CAT: variants seen among roughly 807,000 people sequenced by gnomAD.
CAT encodes catalase, also known as epididymis secretory sperm binding protein.
CAT carries 43 observed loss-of-function variants against 59.0 expected under a neutral mutation model. The ratio of observed to expected loss-of-function variants is 0.73; its 90% CI spans 0.57 to 0.94. CAT has a LOEUF of 0.94. CAT is among the 40% of genes least tolerant of loss of function. The pLI is 0.00. For missense variants in CAT, 664 were observed against 682.9 expected, an observed-to-expected ratio of 0.97 and a Z score of 0.31; for synonymous variants, 218 against 230.9, an observed-to-expected ratio of 0.94 and a Z score of 0.51.
chr11:34,457,204 CTTTTTTTTTTTTTTT>C (rs899442681), intron 8 of CAT, among the ~76,000 whole-genome samples: 7 of 66,180 alleles, frequency 1.1e-4, no homozygotes, highest in African/African-American at 4.2e-4. Context: ...TTTTCTTGTT[CTTTTTTTTTTTTTTT>C]TTTTTTTTTT....
chr11:34,471,719 TTTTA>T lies in CAT; in HGVS notation c.*290_*293del, dbSNP rs1348279140. 1 of 432,868 alleles carries T rather than the reference TTTTA, an allele frequency of 2.3e-6. No homozygotes were observed. Among genetic ancestry groups the T allele is most frequent in the African/African-American group, 2.0e-5 (1 of 50,118 alleles). 26.8% of individuals were successfully genotyped at this position (432,868 alleles called of 1,614,324 possible). On this transcript the variant is annotated 3_prime_UTR_variant, in exon 13 of 13. Transcript: ENST00000241052. ...GGCAAGTTTCTAGCTAGAAATATGA[TTTTA>T]TTTGACAAAATTTGTTGAAATTATG...
chr11:34,453,651 T>C (rs1856555753), intron 5 of CAT, 150 bp from the exon 6 acceptor site: 5 of 681,080 alleles, frequency 7.3e-6, no homozygotes, highest in Non-Finnish European at 1.3e-5. Context: ...TTTCTACAAG[T>C]GAAATAATAA....
intron 4 of CAT, 117 bp from the exon 5 acceptor site, chr11:34,452,973 C>G: frequency 1.4e-6 from 1 of 725,936 alleles, no homozygotes; most frequent in Non-Finnish European, 2.5e-6. Flanking sequence ...GTTTAAAATT[C>G]TAGGATTGTA....
intron 10 of CAT, among the ~76,000 whole-genome samples, chr11:34,467,081 A>T (rs1401296090): frequency 6.6e-6 from 1 of 152,240 alleles, no homozygotes; most frequent in Non-Finnish European, 1.5e-5. Flanking sequence ...TGGAAGAATC[A>T]TAGACATGAT....
At position 34,464,197 on chromosome 11, in the gene CAT, C is replaced by G. The variant is rs139875365; in HGVS notation, c.1288C>G (p.Arg430Gly). ...CAGCATCCAATATTCTGGAGAAGTG[C>G]GGAGATTCAACACTGCCAATGATGA... ...EHSIQYSGEV[R>G]RFNTANDDNV... is the part of the protein sequence containing the mutation. Residue 430 changes from arginine to glycine, a missense_variant, in exon 10 of 13, where the codon CGG becomes GGG. Arg to Gly is a moderately radical substitution (Grantham distance 125). Coordinates refer to ENST00000241052, the MANE Select transcript of CAT (RefSeq NM_001752.4). 6.2e-7 allele frequency: 1 copy of G among 1,613,708 alleles called. No individual in the cohort carries two copies. The highest frequency in any genetic ancestry group is 8.5e-7 in the Non-Finnish European group (1 of 1,179,740).
At chr11:34,467,727 A>G (rs1856735004) in intron 10 of CAT, among the ~76,000 whole-genome samples, 1 of 152,172 alleles carries the variant, frequency 6.6e-6, no homozygotes, top group African/African-American at 2.4e-5. Flanking sequence ...ATTTTAATTT[A>G]TGGATATTTA....
chr11:34,459,808 T>C (rs1476794003), intron 8 of CAT, among the ~76,000 whole-genome samples: 1 of 152,232 alleles, frequency 6.6e-6, no homozygotes, highest in East Asian at 1.9e-4. Flanking sequence ...GGCAGGATTG[T>C]ATCTCCTATC....
intron 1 of CAT, among the ~76,000 whole-genome samples, chr11:34,439,406 G>A (rs1042507664): frequency 1.3e-5 from 2 of 152,148 alleles, no homozygotes; most frequent in African/African-American, 4.8e-5. Flanking sequence ...GCAGAGAGCT[G>A]CAGCTGCAAG....
chr11:34,461,142 AC>A, intron 8 of CAT, 108 bp from the exon 9 acceptor site: 2 of 1,208,936 alleles, frequency 1.7e-6, no homozygotes, highest in Non-Finnish European at 2.5e-6. Flanking sequence ...TTTTGTGGTA[AC>A]CATGTACAGA....
intron 7 of CAT, 102 bp downstream of exon 7, chr11:34,456,304 AC>A: frequency 1.1e-6 from 1 of 914,950 alleles, no homozygotes; most frequent in East Asian, 2.6e-5. Flanking sequence ...GAAGTCATAT[AC>A]AAAATACAGA....
At chr11:34,454,084 G>A (rs1856562058) in intron 6 of CAT, among the ~76,000 whole-genome samples, 158 bp downstream of exon 6, 1 of 152,110 alleles carries the variant, frequency 6.6e-6, no homozygotes, top group Admixed American at 6.6e-5. Flanking sequence ...TACTGATTTT[G>A]TTGGCTACCA....
chr11:34,466,604 C>T (rs1007392994), intron 10 of CAT, among the ~76,000 whole-genome samples: 12 of 151,460 alleles, frequency 7.9e-5, no homozygotes, highest in African/African-American at 1.5e-4. Context: ...GGTGAAACCC[C>T]GTCTCTACTA....
intron 7 of CAT, 51 bp downstream of exon 7, chr11:34,456,253 T>C (rs758683500): frequency 7.2e-7 from 1 of 1,387,484 alleles, no homozygotes; most frequent in Admixed American, 1.9e-5. Flanking sequence ...TCTTCTTACC[T>C]AATTAGAAAA....
At chr11:34,450,248 T>G (rs971438004) in intron 2 of CAT, among the ~76,000 whole-genome samples, 3 of 152,234 alleles carry the variant, frequency 2.0e-5, no homozygotes, top group South Asian at 2.1e-4. Flanking sequence ...ATGTACTTAC[T>G]GGGTAATTAC....
chr11:34,451,043 G>A lies in CAT; in HGVS notation c.294G>A (p.Lys98=), dbSNP rs1856518418. The A allele has an allele frequency of 6.2e-7, 1 of 1,613,972 alleles. No individual in the cohort carries two copies. The highest frequency in any genetic ancestry group is 1.1e-5 in the South Asian group (1 of 91,070). ...THDITKYSKA[K]VFEHIGKKTP... ...ACATTACCAAATACTCCAAGGCAAA[G>A]GTATTTGAGCATATTGGAAAGAAGA... Residue 98 remains lysine (K), a synonymous_variant, in exon 3 of 13, where the codon AAG becomes AAA. Transcript: ENST00000241052.
intron 1 of CAT, among the ~76,000 whole-genome samples, chr11:34,439,405 T>G (rs1041163704): frequency 6.6e-6 from 1 of 152,084 alleles, no homozygotes; most frequent in Non-Finnish European, 1.5e-5. Flanking sequence ...GGCAGAGAGC[T>G]GCAGCTGCAA....
At position 34,456,045 on chromosome 11, in the gene CAT, A is replaced by G. The variant is rs1856585506; in HGVS notation, c.746A>G (p.Asp249Gly). 25 of 1,614,126 alleles carry G rather than the reference A, an allele frequency of 1.5e-5. No individual in the cohort carries two copies. Among genetic ancestry groups the G allele is most frequent in the Non-Finnish European group, 1.9e-5 (23 of 1,180,016 alleles). Residue 249 changes from aspartate (D) to glycine (G), a missense_variant, in exon 7 of 13, where the codon GAT becomes GGT. By Grantham distance (94) the Asp-to-Gly change is moderately conservative. Coordinates refer to ENST00000241052, the MANE Select transcript of CAT (RefSeq NM_001752.4). ...GGCATCAAAAACCTTTCTGTTGAAG[A>G]TGCGGCGAGACTTTCCCAGGAAGAT... is the stretch of plus-strand genomic sequence containing the variant. ...DQGIKNLSVE[D>G]AARLSQEDPD...
Position 34,461,257 on chromosome 11 carries a change from CT to C in CAT, c.1068del (p.Phe356LeufsTer20). The C allele has an allele frequency of 1.2e-6, 2 of 1,614,082 alleles. No individual in the cohort carries two copies. The highest frequency in any genetic ancestry group is 1.7e-6 in the Non-Finnish European group (2 of 1,180,034). On this transcript the variant is annotated frameshift_variant, in exon 9 of 13. Transcript: ENST00000241052. LOFTEE classifies it high-confidence loss of function. ...ATTGTATTTATTACTGCAGGGCCGC[CT>C]TTTTGCCTATCCTGACACTCACCGC... is the stretch of plus-strand genomic sequence containing the variant. ...ASPDKMLQGR[L>X]FAYPDTHRHR...
intron 1 of CAT, among the ~76,000 whole-genome samples, chr11:34,440,683 C>T (rs1184269201): frequency 6.6e-6 from 1 of 151,926 alleles, no homozygotes; most frequent in Non-Finnish European, 1.5e-5. Context: ...CTGCCTCAGC[C>T]TCCCGAGTAG....
Sources: allele counts gnomAD v4.1 joint callset (sites outside exome capture counted in the v4.1 genomes callset), GRCh38; gene constraint gnomAD v4.1.1; transcripts MANE v1.5; gene names NCBI Gene and HGNC (gene_info 2026-07-23, HGNC 2026-07-21).